TASP1: variants seen among roughly 807,000 people sequenced by gnomAD.
The protein encoded by TASP1 is threonine aspartase 1.
In TASP1, 16 loss-of-function variants were observed where a neutral mutation model predicts 56.6. The observed-to-expected ratio is 0.28, with a 90% CI of 0.19 to 0.43. TASP1 has a LOEUF of 0.43. Among genes scored for constraint, TASP1 ranks in the 20% least tolerant of loss-of-function variants. TASP1 has a pLI of 1.00. For synonymous variants in TASP1, 179 were observed against 184.2 expected, an observed-to-expected ratio of 0.97 and a Z score of 0.23; for missense variants, 393 against 511.6, an observed-to-expected ratio of 0.77 and a Z score of 2.24.
At chr20:13,541,414 G>GC (rs768022128) in intron 8 of TASP1, among the ~76,000 whole-genome samples, 24 of 152,274 alleles carry the variant, frequency 1.6e-4, no homozygotes, top group Non-Finnish European at 3.4e-4. Context: ...TGAGTTCACT[G>GC]CCAGGAGGAC....
the TASP1 span, among the ~76,000 whole-genome samples, chr20:13,198,400 G>C: frequency 6.6e-6 from 1 of 152,010 alleles, no homozygotes; most frequent in African/African-American, 2.4e-5. Flanking sequence ...GAGTTCTCTG[G>C]GGTCCCTTTT....
At chr20:13,268,348 CT>C in the TASP1 span, among the ~76,000 whole-genome samples, 8 of 818 alleles carry the variant, frequency 9.8e-3, no homozygotes, top group East Asian at 0.042. Context: ...CTTCTTCTTC[CT>C]CTCTCTCTCT....
At chr20:13,580,731 T>G (rs1223354878) in intron 6 of TASP1, among the ~76,000 whole-genome samples, 166 bp downstream of exon 6, 1 of 152,188 alleles carries the variant, frequency 6.6e-6, no homozygotes, top group African/African-American at 2.4e-5. Flanking sequence ...CATAATATTC[T>G]TTTCTATCCA....
At chr20:13,178,227 T>C in the TASP1 span, among the ~76,000 whole-genome samples, 4 of 152,002 alleles carry the variant, frequency 2.6e-5, no homozygotes, top group Non-Finnish European at 5.9e-5. Context: ...CCAGTTAAGA[T>C]GACTGTTATC....
intron 3 of TASP1, among the ~76,000 whole-genome samples, chr20:13,624,917 C>T (rs1247579754): frequency 2.6e-5 from 4 of 152,090 alleles, no homozygotes; most frequent in Admixed American, 6.5e-5. Context: ...AGTTCAACAT[C>T]GTTGCAAAGA....
the TASP1 span, among the ~76,000 whole-genome samples, chr20:13,351,884 C>G: frequency 2.6e-5 from 4 of 152,178 alleles, no homozygotes; most frequent in Non-Finnish European, 4.4e-5. Context: ...GTATCCAATT[C>G]TGTAGCCACT....
intron 10 of TASP1, among the ~76,000 whole-genome samples, chr20:13,510,886 T>G (rs1201110865): frequency 6.6e-6 from 1 of 152,196 alleles, no homozygotes; most frequent in African/African-American, 2.4e-5. Flanking sequence ...TTATTACTGA[T>G]CACAGAATGA....
At chr20:13,519,502 C>G (rs144584646) in intron 10 of TASP1, among the ~76,000 whole-genome samples, 196 of 152,246 alleles carry the variant, frequency 1.3e-3, no homozygotes, top group Non-Finnish European at 2.4e-3. Flanking sequence ...AGCATATAAA[C>G]AGAACCAATG....
chr20:13,220,294 G>A, the TASP1 span, among the ~76,000 whole-genome samples: 1 of 152,228 alleles, frequency 6.6e-6, no homozygotes, highest in Admixed American at 6.5e-5. Context: ...CGGTGCCACG[G>A]ACCGACACAG....
chr20:13,115,522 T>C, the TASP1 span, among the ~76,000 whole-genome samples: 34,397 of 152,078 alleles, frequency 0.23, 4,183 homozygotes, highest in Middle Eastern at 0.35. Context: ...AAATGGCTAT[T>C]TGTGGCATGT....
chr20:13,501,343 G>A (rs1312094244), intron 10 of TASP1, among the ~76,000 whole-genome samples: 1 of 151,962 alleles, frequency 6.6e-6, no homozygotes, highest in Non-Finnish European at 1.5e-5. Flanking sequence ...TAGTGTGTGT[G>A]AGTACATGTG....
At chr20:13,274,644 C>A in the TASP1 span, among the ~76,000 whole-genome samples, 1 of 152,076 alleles carries the variant, frequency 6.6e-6, no homozygotes, top group Non-Finnish European at 1.5e-5. Flanking sequence ...TGCAAGAGTC[C>A]ACGTCCCGCC....
the TASP1 span, among the ~76,000 whole-genome samples, chr20:13,196,330 G>A: frequency 6.6e-6 from 1 of 152,172 alleles, no homozygotes; most frequent in Admixed American, 6.5e-5. Flanking sequence ...CCATCTAGTA[G>A]TGTTGCATAC....
the TASP1 span, chr20:13,222,037 T>G: frequency 1.0e-6 from 1 of 981,346 alleles, no homozygotes; most frequent in Non-Finnish European, 1.3e-6. Context: ...GAGCAACTGT[T>G]TTGGCAGTAG....
chr20:13,198,761 CT>C, the TASP1 span, among the ~76,000 whole-genome samples: 1 of 151,658 alleles, frequency 6.6e-6, no homozygotes, highest in Non-Finnish European at 1.5e-5. Context: ...TTTTTCTGGG[CT>C]TTTTTTCTTT....
At chr20:13,223,500 A>T in the TASP1 span, among the ~76,000 whole-genome samples, 1 of 152,346 alleles carries the variant, frequency 6.6e-6, no homozygotes, top group African/African-American at 2.4e-5. Flanking sequence ...AAGTTCAGAC[A>T]TTCCAAACTC....
At chr20:13,191,867 A>G in the TASP1 span, among the ~76,000 whole-genome samples, 3 of 152,198 alleles carry the variant, frequency 2.0e-5, no homozygotes, top group Non-Finnish European at 4.4e-5. Flanking sequence ...AATATGTACA[A>G]TTATTATGTA....
At chr20:13,205,026 G>A in the TASP1 span, among the ~76,000 whole-genome samples, 40 of 152,232 alleles carry the variant, frequency 2.6e-4, 1 homozygote, top group Admixed American at 9.8e-4. Flanking sequence ...TTACCAAAAG[G>A]GGCTGCCTTG....
At chr20:13,356,077 T>A in the TASP1 span, among the ~76,000 whole-genome samples, 2 of 152,318 alleles carry the variant, frequency 1.3e-5, no homozygotes, top group East Asian at 3.9e-4. Context: ...CCACTGGATA[T>A]TTGGCAGGAG....
Sources: gnomAD v4.1 joint callset for allele counts (sites outside exome capture counted in the v4.1 genomes callset) on GRCh38, gnomAD v4.1.1 for gene constraint, MANE v1.5 for transcripts, NCBI Gene and HGNC (gene_info 2026-07-23, HGNC 2026-07-21) for gene names.